NEMP2: variants seen among roughly 807,000 people sequenced by gnomAD.
NEMP2 encodes UPF0571 transmembrane protein.
A neutral mutation model predicts 54.2 loss-of-function variants in NEMP2; 53 were observed. The observed-to-expected ratio is 0.98, with a 90% CI of 0.78 to 1.23. NEMP2 has a LOEUF of 1.23. Ranked by LOEUF, NEMP2 falls within the 50% of genes most tolerant of loss-of-function variation. NEMP2 has a pLI of 0.00. For synonymous variants in NEMP2, 197 were observed against 190.3 expected, an observed-to-expected ratio of 1.04 and a Z score of -0.29; for missense variants, 455 against 511.3, an observed-to-expected ratio of 0.89 and a Z score of 1.06.
At chr2:190,626,195 C>T in the NEMP2 span, 1 of 152,140 alleles carries the variant, frequency 6.6e-6, no homozygotes, top group African/African-American at 2.4e-5. The surrounding 1 kb of genome is among the most constrained non-coding windows in gnomAD (Gnocchi z 4.5). Context: ...ACATAATCAC[C>T]TCCCCAAAGC....
chr2:190,543,924 C>G, the NEMP2 span, among the ~76,000 whole-genome samples: 1 of 152,134 alleles, frequency 6.6e-6, no homozygotes, highest in East Asian at 1.9e-4. This position sits in a 1 kb window ranked among gnomAD's most constrained non-coding sequence, Gnocchi z 4.7. Context: ...CACTATGAAT[C>G]AGAAGTAAAA....
chr2:190,589,249 C>G, the NEMP2 span, among the ~76,000 whole-genome samples: 2 of 152,170 alleles, frequency 1.3e-5, no homozygotes, highest in African/African-American at 4.8e-5. This position sits in a 1 kb window ranked among gnomAD's most constrained non-coding sequence, Gnocchi z 4.3. Flanking sequence ...CTCCCTGATG[C>G]AGCTACCAGG....
the NEMP2 span, among the ~76,000 whole-genome samples, chr2:190,495,099 C>G: frequency 6.6e-6 from 1 of 152,130 alleles, no homozygotes. The surrounding 1 kb of genome is among the most constrained non-coding windows in gnomAD (Gnocchi z 4.7). Context: ...ACCTAGAAAA[C>G]CCTAAAGACT....
the NEMP2 span, among the ~76,000 whole-genome samples, chr2:190,611,584 A>G: frequency 6.7e-3 from 1,023 of 152,328 alleles, 11 homozygotes; most frequent in Non-Finnish European, 0.012. The surrounding 1 kb of genome is among the most constrained non-coding windows in gnomAD (Gnocchi z 5.4). Context: ...ACTTTGGCCA[A>G]TATGTTTACA....
the NEMP2 span, among the ~76,000 whole-genome samples, chr2:190,594,579 G>GT: frequency 1.3e-5 from 2 of 152,078 alleles, no homozygotes; most frequent in African/African-American, 4.8e-5. The surrounding 1 kb of genome is among the most constrained non-coding windows in gnomAD (Gnocchi z 5.6). Flanking sequence ...TATTTTAATG[G>GT]TTTTTTTCTT....
chr2:190,524,858 G>C (rs1021937693), intron 2 of NEMP2, among the ~76,000 whole-genome samples: 3 of 152,198 alleles, frequency 2.0e-5, no homozygotes, highest in Non-Finnish European at 4.4e-5. Flanking sequence ...CTGAATGAAG[G>C]AAAGTACTAG....
chr2:190,511,548 AT>A (rs1470617528), intron 7 of NEMP2, among the ~76,000 whole-genome samples: 43 of 147,380 alleles, frequency 2.9e-4, no homozygotes, highest in African/African-American at 1.0e-3. Context: ...TTTAAATTAA[AT>A]TTAATTTTTT....
the NEMP2 span, among the ~76,000 whole-genome samples, chr2:190,463,387 C>T: frequency 6.6e-6 from 1 of 152,110 alleles, no homozygotes; most frequent in Non-Finnish European, 1.5e-5. The surrounding 1 kb of genome is among the most constrained non-coding windows in gnomAD (Gnocchi z 4.4). Context: ...GAGGAGGGCA[C>T]ATCAAGTGCT....
At chr2:190,490,420 G>A in the NEMP2 span, among the ~76,000 whole-genome samples, 11 of 152,056 alleles carry the variant, frequency 7.2e-5, 1 homozygote, top group Admixed American at 3.9e-4. This position sits in a 1 kb window ranked among gnomAD's most constrained non-coding sequence, Gnocchi z 4.5. Context: ...AAAATTAGCC[G>A]GGCACGGTGG....
chr2:190,621,554 T>C, the NEMP2 span, among the ~76,000 whole-genome samples: 2 of 151,996 alleles, frequency 1.3e-5, no homozygotes, highest in African/African-American at 2.4e-5. Flanking sequence ...AATTGACCTA[T>C]ATATTCAATG....
At chr2:190,551,337 T>C in the NEMP2 span, among the ~76,000 whole-genome samples, 1 of 151,902 alleles carries the variant, frequency 6.6e-6, no homozygotes, top group African/African-American at 2.4e-5. Context: ...AATTTCTCTC[T>C]AATGGTTTTA....
chr2:190,499,733 C>A, downstream of NEMP2: 1 of 1,256,120 alleles, frequency 8.0e-7, no homozygotes, highest in Non-Finnish European at 1.1e-6. The surrounding 1 kb of genome is among the most constrained non-coding windows in gnomAD (Gnocchi z 6.0). Flanking sequence ...CTGATGTAAA[C>A]TGTTTACCAA....
the NEMP2 span, chr2:190,625,478 CTA>C: frequency 6.6e-6 from 1 of 152,152 alleles, no homozygotes; most frequent in African/African-American, 2.4e-5. Flanking sequence ...TATTCTGGAA[CTA>C]GTGTCAATGG....
At chr2:190,517,479 A>G in intron 5 of NEMP2, 41 bp downstream of exon 5, 1 of 1,374,494 alleles carries the variant, frequency 7.3e-7, no homozygotes, top group Non-Finnish European at 1.0e-6. Flanking sequence ...CTGTAAGATC[A>G]TGATTTCCAT....
chr2:190,633,668 A>G, the NEMP2 span, among the ~76,000 whole-genome samples: 1 of 152,212 alleles, frequency 6.6e-6, no homozygotes, highest in Admixed American at 6.5e-5. Flanking sequence ...CCTTGCAAAT[A>G]GTATGTACTC....
chr2:190,462,577 G>C, the NEMP2 span, among the ~76,000 whole-genome samples: 1 of 152,130 alleles, frequency 6.6e-6, no homozygotes, highest in Non-Finnish European at 1.5e-5. The surrounding 1 kb of genome is among the most constrained non-coding windows in gnomAD (Gnocchi z 5.7). Context: ...GTCTCCCAGG[G>C]TCTCAGTCTT....
the NEMP2 span, among the ~76,000 whole-genome samples, chr2:190,632,405 A>G: frequency 2.6e-5 from 4 of 152,370 alleles, no homozygotes; most frequent in Middle Eastern, 3.4e-3. This position sits in a 1 kb window ranked among gnomAD's most constrained non-coding sequence, Gnocchi z 4.8. Flanking sequence ...GGATCCCAAG[A>G]AGCTTCTAAC....
At chr2:190,592,428 T>C in the NEMP2 span, among the ~76,000 whole-genome samples, 9 of 152,154 alleles carry the variant, frequency 5.9e-5, no homozygotes, top group Non-Finnish European at 1.2e-4. This position sits in a 1 kb window ranked among gnomAD's most constrained non-coding sequence, Gnocchi z 4.4. Flanking sequence ...GATTGCTCTT[T>C]AAGGGGATGC....
the NEMP2 span, among the ~76,000 whole-genome samples, chr2:190,474,863 C>A: frequency 6.6e-6 from 1 of 152,172 alleles, no homozygotes; most frequent in Non-Finnish European, 1.5e-5. Context: ...AAAAGCTTAT[C>A]CACCATGATC....
Sources: allele counts gnomAD v4.1 joint callset (sites outside exome capture counted in the v4.1 genomes callset), GRCh38; gene constraint gnomAD v4.1.1; non-coding constraint Gnocchi (gnomAD v3.1); transcripts MANE v1.5; gene names NCBI Gene and HGNC (gene_info 2026-07-23, HGNC 2026-07-21).